The following CLSTN2 variants were observed in gnomAD, a reference collection of about 807,000 sequenced individuals.
CLSTN2 encodes the protein calsyntenin 2, also known as calsyntenin-2.
A neutral mutation model predicts 101.2 loss-of-function variants in CLSTN2; 48 were observed. That is an observed-to-expected ratio of 0.47 (90% CI 0.38 to 0.60). The LOEUF (loss-of-function observed/expected upper bound fraction) is 0.60, where lower values mean the gene tolerates loss of function less well. Ranked by LOEUF, CLSTN2 falls within the 20% of genes least tolerant of loss-of-function variation. CLSTN2 has a pLI of 0.00. For synonymous variants in CLSTN2, 481 were observed against 463.6 expected (o/e 1.04, Z -0.48); for missense variants, 1,160 against 1,238.2 (o/e 0.94, Z 0.95).
chr3:140,269,565 G>A (rs1437883533), intron 2 of CLSTN2, among the ~76,000 whole-genome samples: 1 of 152,222 alleles, frequency 6.6e-6, no homozygotes, highest in African/African-American at 2.4e-5. Context: ...GGCCAAGCCT[G>A]TGGCACATTG....
chr3:140,558,982 C>A, intron 12 of CLSTN2, 125 bp downstream of exon 12: 1 of 691,866 alleles, frequency 1.4e-6, no homozygotes, highest in Non-Finnish European at 2.4e-6. Context: ...TACATGGCAG[C>A]GTAATGTATT....
chr3:140,172,168 C>A (rs184580533), intron 1 of CLSTN2, among the ~76,000 whole-genome samples: 275 of 139,848 alleles, frequency 2.0e-3, no homozygotes, highest in Admixed American at 3.8e-3. Flanking sequence ...CCCCCTCTAA[C>A]CTGTTATTTT....
At chr3:140,167,834 A>G (rs1273479779) in intron 1 of CLSTN2, among the ~76,000 whole-genome samples, 1 of 152,018 alleles carries the variant, frequency 6.6e-6, no homozygotes, top group African/African-American at 2.4e-5. Context: ...ATTTCACTTC[A>G]TTTCACCAGT....
intron 2 of CLSTN2, among the ~76,000 whole-genome samples, chr3:140,319,519 G>A (rs913098564): frequency 5.9e-5 from 9 of 152,210 alleles, no homozygotes; most frequent in Non-Finnish European, 1.0e-4. Context: ...AAAGAATGCC[G>A]TACACCAATT....
chr3:140,295,102 A>G (rs2086990236), intron 2 of CLSTN2, among the ~76,000 whole-genome samples: 1 of 152,168 alleles, frequency 6.6e-6, no homozygotes, highest in South Asian at 2.1e-4. Context: ...AAAATTTTCT[A>G]GAAATACCTG....
At chr3:139,947,954 C>T (rs1935238849) in intron 1 of CLSTN2, among the ~76,000 whole-genome samples, 1 of 152,036 alleles carries the variant, frequency 6.6e-6, no homozygotes, top group Non-Finnish European at 1.5e-5. Context: ...AGGGACCAGC[C>T]AAGAATCTTC....
intron 1 of CLSTN2, among the ~76,000 whole-genome samples, chr3:140,132,241 A>C (rs542603173): frequency 6.6e-6 from 1 of 152,304 alleles, no homozygotes; most frequent in Admixed American, 6.5e-5. Context: ...GATTTCTATG[A>C]TTTTACTGAT....
At chr3:140,094,355 C>G (rs1328834878) in intron 1 of CLSTN2, among the ~76,000 whole-genome samples, 1 of 152,174 alleles carries the variant, frequency 6.6e-6, no homozygotes, top group Non-Finnish European at 1.5e-5. Context: ...GCTAGAGGAG[C>G]TGTAAAGTCT....
intron 2 of CLSTN2, among the ~76,000 whole-genome samples, chr3:140,384,897 T>C (rs1185607064): frequency 6.6e-6 from 1 of 152,220 alleles, no homozygotes; most frequent in Non-Finnish European, 1.5e-5. Context: ...TTTGGGGTTA[T>C]GGGTGAGACT....
intron 2 of CLSTN2, among the ~76,000 whole-genome samples, chr3:140,318,238 G>T (rs1254854965): frequency 6.6e-6 from 1 of 152,130 alleles, no homozygotes; most frequent in Non-Finnish European, 1.5e-5. Flanking sequence ...CAGACGTGTG[G>T]TCCAGTGACA....
chr3:140,493,543 C>T (rs982882996), intron 8 of CLSTN2, among the ~76,000 whole-genome samples: 6 of 152,144 alleles, frequency 3.9e-5, no homozygotes, highest in Non-Finnish European at 8.8e-5. Flanking sequence ...CTACCTTATA[C>T]TAGGCATGAA....
chr3:140,268,327 G>A (rs910690133), intron 2 of CLSTN2, among the ~76,000 whole-genome samples: 1 of 152,158 alleles, frequency 6.6e-6, no homozygotes, highest in South Asian at 2.1e-4. Context: ...CCAATCATTC[G>A]TCCAGCAGTA....
intron 1 of CLSTN2, among the ~76,000 whole-genome samples, chr3:140,063,134 G>A (rs949768699): frequency 2.6e-5 from 4 of 152,192 alleles, no homozygotes; most frequent in African/African-American, 9.7e-5. Context: ...AAACACCAGT[G>A]ATTTCTGTTG....
intron 1 of CLSTN2, among the ~76,000 whole-genome samples, chr3:139,997,125 T>TA (rs1197166982): frequency 2.6e-5 from 4 of 152,138 alleles, no homozygotes; most frequent in Admixed American, 6.5e-5. Flanking sequence ...GTTTGCATTT[T>TA]AAAAAATAGT....
intron 2 of CLSTN2, among the ~76,000 whole-genome samples, chr3:140,252,711 A>C (rs2086574570): frequency 6.6e-6 from 1 of 152,222 alleles, no homozygotes; most frequent in Non-Finnish European, 1.5e-5. Context: ...TCATAGGAAA[A>C]AGGAGCACAA....
intron 1 of CLSTN2, among the ~76,000 whole-genome samples, chr3:140,075,826 G>A (rs988555029): frequency 6.6e-6 from 1 of 151,986 alleles, no homozygotes; most frequent in African/African-American, 2.4e-5. Context: ...TGTTGGCGGA[G>A]GGACAGGAGG....
intron 2 of CLSTN2, among the ~76,000 whole-genome samples, chr3:140,346,090 T>C (rs1037998572): frequency 1.3e-5 from 2 of 152,014 alleles, no homozygotes; most frequent in Admixed American, 1.3e-4. Context: ...TGGCAGGGGG[T>C]GGCACAGCCC....
At chr3:140,192,193 T>C (rs1015838928) in intron 2 of CLSTN2, among the ~76,000 whole-genome samples, 1 of 151,972 alleles carries the variant, frequency 6.6e-6, no homozygotes, top group Non-Finnish European at 1.5e-5. Context: ...AAGCATATTT[T>C]GTATGATTTC....
intron 2 of CLSTN2, among the ~76,000 whole-genome samples, chr3:140,251,160 T>A (rs748769570): frequency 6.6e-6 from 1 of 152,162 alleles, no homozygotes; most frequent in Non-Finnish European, 1.5e-5. Flanking sequence ...CTTGTAGACA[T>A]CTCTATTTCT....
Sources: allele counts gnomAD v4.1 joint callset (sites outside exome capture counted in the v4.1 genomes callset), GRCh38; gene constraint gnomAD v4.1.1; transcripts MANE v1.5; gene names NCBI Gene and HGNC (gene_info 2026-07-23, HGNC 2026-07-21).